XRCC6: variants seen among roughly 807,000 people sequenced by gnomAD.
XRCC6 encodes the protein DNA repair protein Ku70.
In XRCC6, 5 loss-of-function variants were observed where a neutral mutation model predicts 65.7. That is an observed-to-expected ratio of 0.08 (90% CI 0.04 to 0.16). The LOEUF (loss-of-function observed/expected upper bound fraction) is 0.16. Among genes scored for constraint, XRCC6 ranks in the 10% least tolerant of loss-of-function variants. The probability of loss-of-function intolerance (pLI) is 1.00; values close to 1 mark genes in which losing one functional copy is unlikely to be tolerated. For missense variants in XRCC6, 447 were observed against 738.1 expected (o/e 0.61, Z 4.57); for synonymous variants, 270 against 270.6 (o/e 1.00, Z 0.02).
intron 3 of XRCC6, among the ~76,000 whole-genome samples, chr22:41,632,158 TGGGGAGAGGGATAGGGAG>T (rs2067762169): frequency 1.3e-5 from 2 of 149,652 alleles, no homozygotes; most frequent in African/African-American, 5.0e-5. Flanking sequence ...AGGGAGACCG[TGGGGAGAGGGATAGGGAG>T]AGGGAGAGGG....
chr22:41,634,930 T>C (rs933371083), intron 3 of XRCC6, among the ~76,000 whole-genome samples: 2 of 152,232 alleles, frequency 1.3e-5, no homozygotes, highest in African/African-American at 2.4e-5. Flanking sequence ...ACTGGAATAC[T>C]GATGTCTTTA....
At chr22:41,636,477 CT>C (rs2067810924) in intron 4 of XRCC6, 38 bp from the exon 5 acceptor site, 2 of 1,605,404 alleles carry the variant, frequency 1.2e-6, no homozygotes, top group Non-Finnish European at 1.7e-6. Context: ...TGACATTCTT[CT>C]GATTTTTCTT....
chr22:41,661,513 G>A, intron 12 of XRCC6, 69 bp downstream of exon 12: 6 of 1,279,700 alleles, frequency 4.7e-6, no homozygotes, highest in East Asian at 2.3e-5. Flanking sequence ...TATCACAGTG[G>A]GCAATATCCT....
chr22:41,639,251 T>C (rs1033410961), intron 6 of XRCC6, among the ~76,000 whole-genome samples: 12 of 151,652 alleles, frequency 7.9e-5, no homozygotes, highest in African/African-American at 2.9e-4. Context: ...ATGTTAGTTA[T>C]GATCATTGTT....
intron 3 of XRCC6, 51 bp from the exon 4 acceptor site, chr22:41,636,062 T>C (rs751094710): frequency 8.5e-5 from 130 of 1,520,760 alleles, no homozygotes; most frequent in South Asian, 3.5e-4. Flanking sequence ...TGAGCACTTA[T>C]GGAGCTTCCA....
At chr22:41,645,962 G>T (rs909466451) in intron 6 of XRCC6, among the ~76,000 whole-genome samples, 3 of 151,660 alleles carry the variant, frequency 2.0e-5, no homozygotes, top group Non-Finnish European at 4.4e-5. Flanking sequence ...CACCGCACCC[G>T]GCATGATGGG....
intron 8 of XRCC6, among the ~76,000 whole-genome samples, chr22:41,652,397 A>T (rs1429886492): frequency 6.8e-6 from 1 of 146,136 alleles, no homozygotes. Context: ...ACAGTGTCTC[A>T]CTCTGTCACC....
Position 41,646,986 on chromosome 22 carries a change from C to A in XRCC6, c.864C>A (p.Leu288=). ...QKALKPPPIK[L]YRETNEPVKT... The stretch of plus-strand genomic sequence containing the variant: ...CTCTCAAGCCTCCTCCAATAAAGCT[C>A]TATCGGGAAACAAATGAACCAGTGA... Residue 288 remains leucine, a synonymous_variant, in exon 7 of 13, where the codon CTC becomes CTA. Coordinates refer to ENST00000360079, the MANE Select transcript of XRCC6 (RefSeq NM_001469.5). The A allele has an allele frequency of 6.2e-7, 1 of 1,614,182 alleles. No individual in the cohort carries two copies. The highest frequency in any genetic ancestry group is 8.5e-7 in the Non-Finnish European group (1 of 1,180,042).
intron 6 of XRCC6, among the ~76,000 whole-genome samples, chr22:41,645,688 ATTCT>A (rs1163001363): frequency 6.8e-5 from 10 of 146,230 alleles, no homozygotes; most frequent in Non-Finnish European, 1.4e-4. Flanking sequence ...ATGGGGCTTT[ATTCT>A]TTCTTCTTTT....
intron 12 of XRCC6, among the ~76,000 whole-genome samples, chr22:41,662,380 A>G (rs1217216122): frequency 6.6e-6 from 1 of 152,226 alleles, no homozygotes; most frequent in Non-Finnish European, 1.5e-5. Context: ...AAAAAATTTT[A>G]GAAAAGAACT....
chr22:41,657,243 T>A (rs528429597), intron 10 of XRCC6, among the ~76,000 whole-genome samples: 1 of 152,318 alleles, frequency 6.6e-6, no homozygotes, highest in East Asian at 1.9e-4. Flanking sequence ...TGTTGTGCTG[T>A]ACTTAGCCAG....
chr22:41,656,516 CA>C (rs879533269), intron 9 of XRCC6, among the ~76,000 whole-genome samples: 288 of 125,196 alleles, frequency 2.3e-3, no homozygotes, highest in Admixed American at 2.2e-3. Flanking sequence ...AACTCCATCT[CA>C]AAAAAAAAAA....
At chr22:41,636,077 G>T in intron 3 of XRCC6, 36 bp from the exon 4 acceptor site, 1 of 1,543,608 alleles carries the variant, frequency 6.5e-7, no homozygotes, top group Non-Finnish European at 8.7e-7. Context: ...CTTCCATTTA[G>T]TGGTAAGTAA....
chr22:41,657,636 C>T (rs1569098017), intron 10 of XRCC6, among the ~76,000 whole-genome samples: 1 of 151,646 alleles, frequency 6.6e-6, no homozygotes, highest in Admixed American at 6.6e-5. Context: ...TCTCCCACCT[C>T]AGACTCCTGA....
chr22:41,635,007 C>G (rs1193193456), intron 3 of XRCC6, among the ~76,000 whole-genome samples: 2 of 152,158 alleles, frequency 1.3e-5, no homozygotes, highest in East Asian at 3.8e-4. Context: ...ATTTTCAGGT[C>G]ACATGTACTT....
At chr22:41,638,214 A>T (rs2147086230) in intron 6 of XRCC6, among the ~76,000 whole-genome samples, 1 of 152,160 alleles carries the variant, frequency 6.6e-6, no homozygotes, top group South Asian at 2.1e-4. Flanking sequence ...ATGGTCTAAG[A>T]GTATCCTTAG....
chr22:41,662,216 A>G (rs1024677536), intron 12 of XRCC6, among the ~76,000 whole-genome samples: 1 of 152,222 alleles, frequency 6.6e-6, no homozygotes, highest in Non-Finnish European at 1.5e-5. Flanking sequence ...AAGGAATACA[A>G]TTGGAATGTT....
At chr22:41,628,279 G>C in intron 3 of XRCC6, 49 bp downstream of exon 3, 1 of 1,507,628 alleles carries the variant, frequency 6.6e-7, no homozygotes, top group South Asian at 1.2e-5. Context: ...GTATTGGCTG[G>C]GCATGGTGGC....
chr22:41,653,401 C>G (rs2068018647), intron 8 of XRCC6, 128 bp from the exon 9 acceptor site: 3 of 917,776 alleles, frequency 3.3e-6, no homozygotes, highest in Non-Finnish European at 4.7e-6. Context: ...GAGACCCCGT[C>G]TCAAATAAAT....
Sources: allele counts gnomAD v4.1 joint callset (sites outside exome capture counted in the v4.1 genomes callset), GRCh38; gene constraint gnomAD v4.1.1; transcripts MANE v1.5; gene names NCBI Gene and HGNC (gene_info 2026-07-23, HGNC 2026-07-21).